SELENOF: variants seen among roughly 807,000 people sequenced by gnomAD.
The protein encoded by SELENOF is selenoprotein F.
A neutral mutation model predicts 20.5 loss-of-function variants in SELENOF; 16 were observed. That is an observed-to-expected ratio of 0.78 (90% confidence interval 0.53 to 1.19). SELENOF has a LOEUF of 1.19. Among genes scored for constraint, SELENOF ranks in the 50% most tolerant of loss-of-function variants. The pLI is 0.00. For synonymous variants in SELENOF, 78 were observed against 74.5 expected, an observed-to-expected ratio of 1.05 and a Z score of -0.24; for missense variants, 215 against 194.2, an observed-to-expected ratio of 1.11 and a Z score of -0.64.
intron 2 of SELENOF, among the ~76,000 whole-genome samples, chr1:86,883,292 A>G (rs1659124811): frequency 6.6e-6 from 1 of 152,162 alleles, no homozygotes; most frequent in African/African-American, 2.4e-5. Context: ...AGTGGGGGCA[A>G]GGAATAGGGA....
At chr1:86,889,511 T>C (rs1659322629) in intron 2 of SELENOF, among the ~76,000 whole-genome samples, 1 of 152,112 alleles carries the variant, frequency 6.6e-6, no homozygotes, top group African/African-American at 2.4e-5. Flanking sequence ...GGAGAATCAC[T>C]TGAACCTAGG....
intron 4 of SELENOF, among the ~76,000 whole-genome samples, chr1:86,864,485 A>T (rs1658541709): frequency 6.6e-6 from 1 of 152,172 alleles, no homozygotes; most frequent in Non-Finnish European, 1.5e-5. Context: ...TATCTAGGGT[A>T]TTCTGGGGTT....
intron 1 of SELENOF, among the ~76,000 whole-genome samples, chr1:86,912,255 CA>C (rs1660003086): frequency 6.6e-6 from 1 of 152,102 alleles, no homozygotes; most frequent in Non-Finnish European, 1.5e-5. Flanking sequence ...GAATTAAAAT[CA>C]GTAAGTTTCA....
chr1:86,882,156 C>G (rs1050970242), intron 2 of SELENOF, among the ~76,000 whole-genome samples: 7 of 148,186 alleles, frequency 4.7e-5, no homozygotes, highest in Non-Finnish European at 7.4e-5. Context: ...TGCTTGAACC[C>G]AGGAGGCGGA....
intron 3 of SELENOF, among the ~76,000 whole-genome samples, chr1:86,871,067 AT>A (rs1456809554): frequency 7.2e-5 from 11 of 152,142 alleles, no homozygotes; most frequent in African/African-American, 2.7e-4. Flanking sequence ...AATTTTGAAT[AT>A]CTGTTAAATA....
rs72945865 is a variant in SELENOF, at chr1:86,863,115, G to A, written c.*359C>T. 8.6e-3 allele frequency: 1,498 copies of A among 174,042 alleles called. 24 individuals are homozygous for A. Among genetic ancestry groups the A allele is most frequent in the African/African-American group, 0.033 (1,396 of 41,988 alleles). 10.8% of individuals were successfully genotyped at this position (174,042 alleles called of 1,614,324 possible). A position where few individuals can be genotyped will look rare whatever the true frequency, so the allele number is the denominator to read the frequency against. On this transcript the variant is annotated 3_prime_UTR_variant, in exon 5 of 5. Coordinates refer to ENST00000331835, the MANE Select transcript of SELENOF (RefSeq NM_004261.5). ...TCCTTTCAAAGAGCACACAGCACAT[G>A]AGGCATAGTAATCATCTGTCTTGTT...
Position 86,863,426 on chromosome 1 carries a change from T to C in SELENOF, c.*48A>G, listed in dbSNP as rs746893455. 41 of 1,526,974 alleles carry C rather than the reference T, an allele frequency of 2.7e-5. 1 individual carries two copies. In the East Asian group the frequency reaches 9.4e-4, roughly 35 times the overall value. The allele number at this position is 1,526,974 out of a possible 1,614,324, so 94.6% of individuals were successfully genotyped here. ...AAATTATTTTCTAGGTGCTGTAATA[T>C]TTCATTTGATAAGGTAACAAAAGGA... On this transcript the variant is annotated 3_prime_UTR_variant, in exon 5 of 5. Transcript: ENST00000331835.
intron 1 of SELENOF, among the ~76,000 whole-genome samples, chr1:86,910,817 T>A (rs1659961923): frequency 6.6e-6 from 1 of 152,180 alleles, no homozygotes; most frequent in Non-Finnish European, 1.5e-5. Context: ...ATGTATTTTT[T>A]AATCTCTCCT....
chr1:86,866,935 C>T (rs1028596432), intron 4 of SELENOF, among the ~76,000 whole-genome samples: 2 of 152,040 alleles, frequency 1.3e-5, no homozygotes, highest in African/African-American at 4.8e-5. Context: ...ACTGTATGAC[C>T]CAGCAATTGC....
At chr1:86,900,356 C>G (rs1362064454) in intron 2 of SELENOF, among the ~76,000 whole-genome samples, 1 of 152,238 alleles carries the variant, frequency 6.6e-6, no homozygotes, top group East Asian at 1.9e-4. Flanking sequence ...GAGGCCGAGG[C>G]TGGCGGATCA....
At chr1:86,879,669 TAA>T (rs769949271) in intron 3 of SELENOF, among the ~76,000 whole-genome samples, 3 of 151,958 alleles carry the variant, frequency 2.0e-5, no homozygotes, top group African/African-American at 7.2e-5. Flanking sequence ...GTATTTCAGT[TAA>T]AAAAAAGAGA....
At chr1:86,877,089 A>G (rs961041543) in intron 3 of SELENOF, among the ~76,000 whole-genome samples, 12 of 152,218 alleles carry the variant, frequency 7.9e-5, no homozygotes, top group Admixed American at 5.2e-4. Context: ...CAATAACAAT[A>G]CTTACCATTT....
rs1288325449 is a variant in SELENOF at position 86,862,687 on chromosome 1, T to C, written c.*787A>G. 1 of 152,190 alleles carries C rather than the reference T, an allele frequency of 6.6e-6. No individual in the cohort carries two copies. The highest frequency in any genetic ancestry group is 2.4e-5 in the African/African-American group (1 of 41,446). 9.4% of individuals were successfully genotyped at this position (152,190 alleles called of 1,614,324 possible). On this transcript the variant is annotated 3_prime_UTR_variant, in exon 5 of 5. Transcript: ENST00000331835. ...CATTGAAAAACATCATTTTTAAACATGAAAGAACAAACCAGAAGAATTCCA... is the reference window on the plus strand; with the variant it reads ...CATTGAAAAACATCATTTTTAAACACGAAAGAACAAACCAGAAGAATTCCA...
chr1:86,893,478 C>T (rs891960506), intron 2 of SELENOF, among the ~76,000 whole-genome samples: 1 of 150,098 alleles, frequency 6.7e-6, no homozygotes, highest in African/African-American at 2.5e-5. Context: ...AATAGCCGGG[C>T]GTGGTGGTGC....
chr1:86,872,515 T>G (rs1557454987), intron 3 of SELENOF, among the ~76,000 whole-genome samples: 1 of 151,428 alleles, frequency 6.6e-6, no homozygotes, highest in Non-Finnish European at 1.5e-5. Context: ...ATTACAGGCA[T>G]GCGCCACAAC....
intron 1 of SELENOF, 86 bp from the exon 2 acceptor site, chr1:86,903,534 C>A (rs1349384254): frequency 7.6e-6 from 7 of 922,476 alleles, no homozygotes; most frequent in Non-Finnish European, 9.3e-6. Context: ...TTGTCAAAAA[C>A]TAACACATTG....
chr1:86,902,257 A>C (rs1659721513), intron 2 of SELENOF, among the ~76,000 whole-genome samples: 1 of 152,210 alleles, frequency 6.6e-6, no homozygotes, highest in Non-Finnish European at 1.5e-5. Flanking sequence ...GTATATGTGA[A>C]CCAGTAAAGT....
At chr1:86,892,816 G>C (rs4261089) in intron 2 of SELENOF, among the ~76,000 whole-genome samples, 1 of 152,156 alleles carries the variant, frequency 6.6e-6, no homozygotes, top group South Asian at 2.1e-4. Flanking sequence ...GGTAAACTGA[G>C]AAATAAGGAT....
At position 86,899,255 on chromosome 1, in the gene SELENOF, C is replaced by CA. The variant is rs1260167891; in HGVS notation, c.252+4025dup. 8.5e-3 allele frequency among the ~76,000 whole-genome samples: 1,283 copies of CA among 151,462 alleles called. 18 individuals carry two copies. The highest frequency in any genetic ancestry group is 0.03 in the African/African-American group (1,243 of 40,882). On this transcript the variant is annotated intron_variant, in intron 2 of 4. Coordinates refer to ENST00000331835, the MANE Select transcript of SELENOF (RefSeq NM_004261.5). ...CCACCTTTCCCCGCTTTCTATTCCA[C>CA]AAAACCACCATTGTCATCATGGCCC...
Sources: gnomAD v4.1 joint callset for allele counts (sites outside exome capture counted in the v4.1 genomes callset) on GRCh38, gnomAD v4.1.1 for gene constraint, MANE v1.5 for transcripts, NCBI Gene and HGNC (gene_info 2026-07-23, HGNC 2026-07-21) for gene names.